Variants in RPS6KC1 observed in about 807,000 individuals in gnomAD.
RPS6KC1 encodes the protein ribosomal protein S6 kinase C1.
RPS6KC1 carries 54 observed loss-of-function variants against 103.8 expected under a neutral mutation model. The observed-to-expected ratio is 0.52, with a 90% CI of 0.42 to 0.65. RPS6KC1 has a LOEUF of 0.65. RPS6KC1 is among the 30% of genes least tolerant of loss of function. The pLI, the probability that RPS6KC1 is intolerant of heterozygous loss-of-function variation, is 0.00. For missense variants in RPS6KC1, 1,151 were observed against 1,253.8 expected, an observed-to-expected ratio of 0.92 and a Z score of 1.24; for synonymous variants, 439 against 438.7, an observed-to-expected ratio of 1.00 and a Z score of -0.01.
At chr1:213,615,174 A>T in the RPS6KC1 span, among the ~76,000 whole-genome samples, 2 of 152,206 alleles carry the variant, frequency 1.3e-5, no homozygotes, top group South Asian at 4.1e-4. Flanking sequence ...GGTCACAGCC[A>T]CACAATTTGA....
At chr1:213,750,151 T>A in the RPS6KC1 span, among the ~76,000 whole-genome samples, 2 of 152,222 alleles carry the variant, frequency 1.3e-5, no homozygotes, top group East Asian at 3.9e-4. Flanking sequence ...TTAGGGACAA[T>A]GTCTCCATGA....
At chr1:213,858,656 T>C in the RPS6KC1 span, among the ~76,000 whole-genome samples, 1 of 152,220 alleles carries the variant, frequency 6.6e-6, no homozygotes, top group East Asian at 1.9e-4. Flanking sequence ...TTAGCGCCAG[T>C]TCCACTGGCA....
chr1:213,537,974 C>T, the RPS6KC1 span, among the ~76,000 whole-genome samples: 1 of 152,072 alleles, frequency 6.6e-6, no homozygotes, highest in East Asian at 1.9e-4. Flanking sequence ...AGGAGGGAAG[C>T]CTGAGTCTCT....
the RPS6KC1 span, among the ~76,000 whole-genome samples, chr1:213,650,954 G>T: frequency 1.3e-5 from 2 of 150,040 alleles, no homozygotes; most frequent in African/African-American, 4.9e-5. Context: ...AAAGAGGGGA[G>T]AGGGGGAGAG....
the RPS6KC1 span, among the ~76,000 whole-genome samples, chr1:213,767,420 T>C: frequency 6.6e-6 from 1 of 152,194 alleles, no homozygotes; most frequent in South Asian, 2.1e-4. Context: ...GCTGTCTTCT[T>C]GAAATACTCT....
the RPS6KC1 span, among the ~76,000 whole-genome samples, chr1:213,586,782 G>A: frequency 6.6e-6 from 1 of 152,182 alleles, no homozygotes; most frequent in East Asian, 1.9e-4. Context: ...CAGTGAGTGT[G>A]TCCTGGGGGT....
chr1:213,355,087 G>A, the RPS6KC1 span, among the ~76,000 whole-genome samples: 78 of 152,222 alleles, frequency 5.1e-4, no homozygotes, highest in Non-Finnish European at 9.1e-4. Context: ...GTGTGGTGGC[G>A]TATGCCTATA....
At chr1:213,857,087 A>G in the RPS6KC1 span, among the ~76,000 whole-genome samples, 10 of 152,366 alleles carry the variant, frequency 6.6e-5, no homozygotes, top group South Asian at 2.1e-3. Context: ...AAAACTGGGC[A>G]GGTGAGGCAT....
the RPS6KC1 span, among the ~76,000 whole-genome samples, chr1:213,792,005 G>A: frequency 6.6e-6 from 1 of 152,150 alleles, no homozygotes; most frequent in East Asian, 1.9e-4. Flanking sequence ...CCTATGAGAC[G>A]CATTGAAGCT....
chr1:213,104,834 G>A (rs1368559714), intron 4 of RPS6KC1, among the ~76,000 whole-genome samples: 1 of 149,772 alleles, frequency 6.7e-6, no homozygotes, highest in Non-Finnish European at 1.5e-5. Flanking sequence ...GCGTACTATA[G>A]TCTTGAGTTC....
rs575582121 is a variant in RPS6KC1, at chr1:213,267,719, A to G, written c.3091-4805A>G. On this transcript the variant is annotated intron_variant, in intron 14 of 14. Coordinates refer to ENST00000366960, the MANE Select transcript of RPS6KC1 (RefSeq NM_012424.6). ...GAGATTCTGTAATAAGGAGACAGAA[A>G]GTATATTTTTAAAAAACAGAACTAA... 1.3e-3 allele frequency among the ~76,000 whole-genome samples: 198 copies of G among 152,150 alleles called. 1 individual carries two copies. The highest frequency in any genetic ancestry group is 4.6e-3 in the African/African-American group (191 of 41,566).
the RPS6KC1 span, among the ~76,000 whole-genome samples, chr1:213,838,509 G>A: frequency 3.3e-5 from 5 of 151,876 alleles, no homozygotes; most frequent in Middle Eastern, 3.2e-3. Context: ...AAATTACAAA[G>A]ACATTGGCTC....
the RPS6KC1 span, among the ~76,000 whole-genome samples, chr1:213,761,123 G>A: frequency 5.3e-5 from 8 of 151,870 alleles, no homozygotes; most frequent in South Asian, 1.5e-3. Flanking sequence ...AAGGGGCCAG[G>A]GTTGAGCTAT....
the RPS6KC1 span, among the ~76,000 whole-genome samples, chr1:213,373,016 A>G: frequency 6.6e-6 from 1 of 152,264 alleles, no homozygotes; most frequent in Non-Finnish European, 1.5e-5. Flanking sequence ...TGTAAAACAA[A>G]TAAATACTTA....
chr1:213,622,004 G>A, the RPS6KC1 span, among the ~76,000 whole-genome samples: 3 of 152,068 alleles, frequency 2.0e-5, no homozygotes, highest in African/African-American at 7.2e-5. Context: ...GCCCCTCCAA[G>A]CCTCTTCCTT....
the RPS6KC1 span, among the ~76,000 whole-genome samples, chr1:213,776,929 C>CTTACACA: frequency 2.0e-5 from 3 of 151,724 alleles, no homozygotes; most frequent in South Asian, 2.1e-4. Flanking sequence ...GGCTTCTTTC[C>CTTACACA]TTATAAACCA....
the RPS6KC1 span, among the ~76,000 whole-genome samples, chr1:213,574,879 G>C: frequency 6.6e-6 from 1 of 152,170 alleles, no homozygotes; most frequent in African/African-American, 2.4e-5. Context: ...CCGAGTCACT[G>C]TGGGCTCCTG....
At chr1:213,059,126 C>CT (rs1387931743) in intron 1 of RPS6KC1, among the ~76,000 whole-genome samples, 2 of 152,024 alleles carry the variant, frequency 1.3e-5, no homozygotes, top group Non-Finnish European at 2.9e-5. Context: ...TTAAATTATA[C>CT]TTTAAGTTTT....
the RPS6KC1 span, among the ~76,000 whole-genome samples, chr1:213,459,106 G>T: frequency 6.6e-6 from 1 of 152,182 alleles, no homozygotes; most frequent in Non-Finnish European, 1.5e-5. Flanking sequence ...GTATCAGGAA[G>T]ATGCTGGCCT....
Sources: allele counts gnomAD v4.1 joint callset (sites outside exome capture counted in the v4.1 genomes callset), GRCh38; gene constraint gnomAD v4.1.1; transcripts MANE v1.5; gene names NCBI Gene and HGNC (gene_info 2026-07-23, HGNC 2026-07-21).